The following NRXN3 variants were observed in gnomAD, a reference collection of about 807,000 sequenced individuals.
The protein encoded by NRXN3 is neurexin 3, also known as neurexin III.
In NRXN3, 32 loss-of-function variants were observed where a neutral mutation model predicts 137.6. The observed-to-expected ratio is 0.23, with a 90% CI of 0.18 to 0.31. NRXN3 has a LOEUF of 0.31. Ranked by LOEUF, NRXN3 falls within the 10% of genes least tolerant of loss-of-function variation. The probability of loss-of-function intolerance (pLI) is 1.00; values close to 1 mark genes in which losing one functional copy is unlikely to be tolerated. For synonymous variants in NRXN3, 798 were observed against 784.5 expected (o/e 1.02, Z -0.29); for missense variants, 1,574 against 2,062.5 (o/e 0.76, Z 4.59).
At chr14:79,476,498 C>T (rs1041882308) in intron 16 of NRXN3, among the ~76,000 whole-genome samples, 16 of 152,056 alleles carry the variant, frequency 1.1e-4, no homozygotes, top group African/African-American at 2.4e-4. Flanking sequence ...CATTAAGGCT[C>T]ATATTCTATT....
chr14:79,478,015 T>C lies in NRXN3; in HGVS notation c.3444+10613T>C, dbSNP rs1017859779. ...AGAGCCAGGCTATTGAAATTTCCAATTGGAAATACATGATGAACTCAGAGG... is the reference window on the plus strand; with the variant it reads ...AGAGCCAGGCTATTGAAATTTCCAACTGGAAATACATGATGAACTCAGAGG... On this transcript the variant is annotated intron_variant, in intron 16 of 20. Coordinates refer to ENST00000335750, the MANE Select transcript of NRXN3 (RefSeq NM_001330195.2). Among the ~76,000 whole-genome samples the C allele has an allele frequency of 2.0e-5, 3 of 151,660 alleles. No individual in the cohort carries two copies. In the East Asian group the frequency reaches 5.8e-4, roughly 29 times the overall value.
At chr14:79,381,090 C>T (rs1418238493) in intron 15 of NRXN3, among the ~76,000 whole-genome samples, 1 of 151,866 alleles carries the variant, frequency 6.6e-6, no homozygotes. Context: ...ACAGTGTGCT[C>T]CAAGGTTCTA....
intron 15 of NRXN3, among the ~76,000 whole-genome samples, chr14:79,036,308 T>G (rs919616746): frequency 6.6e-6 from 1 of 152,066 alleles, no homozygotes; most frequent in Non-Finnish European, 1.5e-5. Flanking sequence ...TTATATATGA[T>G]CTTGTTCTAA....
intron 10 of NRXN3, among the ~76,000 whole-genome samples, chr14:78,940,774 T>A (rs996823346): frequency 6.6e-5 from 10 of 152,244 alleles, no homozygotes; most frequent in Non-Finnish European, 1.3e-4. Context: ...TAGATTTTTT[T>A]ATAAATCACT....
chr14:79,318,618 C>T (rs1161370086), intron 15 of NRXN3, among the ~76,000 whole-genome samples: 1 of 152,108 alleles, frequency 6.6e-6, no homozygotes, highest in Non-Finnish European at 1.5e-5. Context: ...GAAGTGTTGG[C>T]GAGTAATATG....
chr14:78,714,473 C>T (rs570403708), intron 7 of NRXN3, among the ~76,000 whole-genome samples: 1 of 152,162 alleles, frequency 6.6e-6, no homozygotes, highest in Non-Finnish European at 1.5e-5. Flanking sequence ...TGCTCTCAAC[C>T]TGTATGGTCT....
intron 15 of NRXN3, among the ~76,000 whole-genome samples, chr14:79,435,655 A>C (rs2095836040): frequency 6.6e-6 from 1 of 150,432 alleles, no homozygotes; most frequent in Non-Finnish European, 1.5e-5. Flanking sequence ...GTTTGTTTTG[A>C]GACAGGATCT....
intron 4 of NRXN3, among the ~76,000 whole-genome samples, chr14:78,623,208 C>T (rs1310249354): frequency 6.6e-6 from 1 of 152,212 alleles, no homozygotes; most frequent in Admixed American, 6.5e-5. Context: ...GTTTTCCTCC[C>T]TCTCAGGCTA....
chr14:78,388,818 A>G (rs979245934), intron 4 of NRXN3, among the ~76,000 whole-genome samples: 2 of 152,152 alleles, frequency 1.3e-5, no homozygotes, highest in African/African-American at 4.8e-5. Flanking sequence ...CTTCCCAATC[A>G]TTAAGTTTTT....
At chr14:79,507,266 T>G (rs2096887636) in intron 16 of NRXN3, among the ~76,000 whole-genome samples, 1 of 152,204 alleles carries the variant, frequency 6.6e-6, no homozygotes, top group African/African-American at 2.4e-5. Context: ...TCAAGGCACT[T>G]ATTCCTAGAT....
intron 15 of NRXN3, among the ~76,000 whole-genome samples, chr14:79,083,011 A>G (rs1349089889): frequency 6.6e-6 from 1 of 152,184 alleles, no homozygotes; most frequent in African/African-American, 2.4e-5. Flanking sequence ...CGGAAGAGAC[A>G]TTGATACAAC....
chr14:78,355,203 A>C (rs1338542146), intron 4 of NRXN3, among the ~76,000 whole-genome samples: 1 of 152,200 alleles, frequency 6.6e-6, no homozygotes, highest in Non-Finnish European at 1.5e-5. Context: ...TCCCCTGCCA[A>C]AGTTTCCAAA....
chr14:79,380,181 AT>A (rs2094428812), intron 15 of NRXN3, among the ~76,000 whole-genome samples: 1 of 104,454 alleles, frequency 9.6e-6, no homozygotes, highest in African/African-American at 3.6e-5. Flanking sequence ...AGATATATTT[AT>A]TTATTTATTT....
chr14:79,693,582 TTTCA>T (rs1243039410), intron 18 of NRXN3, among the ~76,000 whole-genome samples: 1 of 151,978 alleles, frequency 6.6e-6, no homozygotes, highest in Middle Eastern at 3.2e-3. Flanking sequence ...TTTTTGTTTC[TTTCA>T]ATTTTATGTT....
rs560333885 is a variant in NRXN3 at position 79,743,648 on chromosome 14, G to A, written c.4014+45711G>A. On this transcript the variant is annotated intron_variant, in intron 19 of 20. Transcript: ENST00000335750. Reference sequence around the variant, plus strand: ...GAAACACTTTTTTAGCTCATCTCAGGGTCCCTTCCAACTCTGACACCTCAT... The same window carrying A: ...GAAACACTTTTTTAGCTCATCTCAGAGTCCCTTCCAACTCTGACACCTCAT... 2.5e-3 allele frequency among the ~76,000 whole-genome samples: 385 copies of A among 152,170 alleles called. 1 individual carries two copies. The highest frequency in any genetic ancestry group is 2.3e-3 in the Non-Finnish European group (156 of 68,002).
Position 78,180,617 on chromosome 14 carries a change from G to A in NRXN3, c.-704+9943G>A, listed in dbSNP as rs544156045. Among the ~76,000 whole-genome samples, 6 of 152,342 alleles carry A rather than the reference G, an allele frequency of 3.9e-5. No individual in the cohort carries two copies. The East Asian group carries it at 1.2e-3, about 29-fold the overall frequency. The stretch of plus-strand genomic sequence containing the variant: ...TAAAAAGGATGTTGAGACCTCTACA[G>A]CTGTGTTCTATTGTCCCATATACAC... On this transcript the variant is annotated intron_variant, in intron 1 of 20. Transcript: ENST00000335750.
At chr14:78,502,350 G>A (rs1027746897) in intron 4 of NRXN3, among the ~76,000 whole-genome samples, 2 of 152,156 alleles carry the variant, frequency 1.3e-5, no homozygotes, top group African/African-American at 2.4e-5. Context: ...AATAAATCAT[G>A]TTTAGGATTA....
At chr14:78,442,036 C>T (rs1410316240) in intron 4 of NRXN3, among the ~76,000 whole-genome samples, 2 of 150,408 alleles carry the variant, frequency 1.3e-5, no homozygotes, top group Non-Finnish European at 2.9e-5. Flanking sequence ...GTGGAGCTTG[C>T]AGTGAGCTGA....
chr14:78,589,359 G>A (rs117838823), intron 4 of NRXN3, among the ~76,000 whole-genome samples: 1,998 of 152,220 alleles, frequency 0.013, 24 homozygotes, highest in Non-Finnish European at 0.017. Flanking sequence ...TACTGTTCCT[G>A]AAGGACTCAT....
Sources: gnomAD v4.1 joint callset for allele counts (sites outside exome capture counted in the v4.1 genomes callset) on GRCh38, gnomAD v4.1.1 for gene constraint, MANE v1.5 for transcripts, NCBI Gene and HGNC (gene_info 2026-07-23, HGNC 2026-07-21) for gene names.